The following DCUN1D3 variants were observed in gnomAD, a reference collection of about 807,000 sequenced individuals.
DCUN1D3 encodes defective in cullin neddylation 1 domain containing 3.
A neutral mutation model predicts 24.8 loss-of-function variants in DCUN1D3; 6 were observed. The observed-to-expected ratio is 0.24, with a 90% CI of 0.13 to 0.48. The LOEUF (loss-of-function observed/expected upper bound fraction) is 0.48. Among genes scored for constraint, DCUN1D3 ranks in the 20% least tolerant of loss-of-function variants. The pLI is 0.99. For missense variants in DCUN1D3, 258 were observed against 379.4 expected (o/e 0.68, Z 2.66); for synonymous variants, 120 against 144.9 (o/e 0.83, Z 1.24).
chr16:20,881,945 G>A (rs766278776), intron 1 of DCUN1D3, among the ~76,000 whole-genome samples: 4 of 152,060 alleles, frequency 2.6e-5, no homozygotes, highest in Non-Finnish European at 5.9e-5. Flanking sequence ...CAGGATTACA[G>A]GCGCATGGTA....
intron 1 of DCUN1D3, among the ~76,000 whole-genome samples, chr16:20,883,272 GGAGGCC>G (rs1226507451): frequency 6.6e-6 from 1 of 152,154 alleles, no homozygotes; most frequent in East Asian, 1.9e-4. Context: ...CAGCACTTTG[GGAGGCC>G]GAGGCGGACG....
At chr16:20,875,293 C>T (rs1430049967) in intron 1 of DCUN1D3, among the ~76,000 whole-genome samples, 1 of 151,620 alleles carries the variant, frequency 6.6e-6, no homozygotes, top group Non-Finnish European at 1.5e-5. Context: ...CATGAAATTA[C>T]ATGCAACTTT....
At chr16:20,885,563 CAT>C (rs1011477679) in intron 1 of DCUN1D3, among the ~76,000 whole-genome samples, 1 of 150,700 alleles carries the variant, frequency 6.6e-6, no homozygotes, top group African/African-American at 2.4e-5. Flanking sequence ...AAAAAAAAAA[CAT>C]AAACTACATC....
intron 1 of DCUN1D3, among the ~76,000 whole-genome samples, chr16:20,892,917 A>C (rs2081898626): frequency 6.6e-6 from 1 of 152,224 alleles, no homozygotes; most frequent in East Asian, 1.9e-4. Context: ...TACCATTAAT[A>C]ACCTCGCTTC....
chr16:20,867,112 C>T (rs1485275569), intron 1 of DCUN1D3, among the ~76,000 whole-genome samples: 7 of 152,212 alleles, frequency 4.6e-5, no homozygotes, highest in African/African-American at 7.2e-5. Flanking sequence ...CACATATACT[C>T]ATCACAGCCT....
At chr16:20,872,926 G>A (rs1040713555) in intron 1 of DCUN1D3, among the ~76,000 whole-genome samples, 6 of 152,146 alleles carry the variant, frequency 3.9e-5, no homozygotes, top group African/African-American at 1.4e-4. Context: ...GACCAGCCTG[G>A]CCAACATGGT....
rs1020320625 is a variant in DCUN1D3, at chr16:20,858,423, C to G, written c.*1463G>C. On this transcript the variant is annotated 3_prime_UTR_variant, in exon 3 of 3. Coordinates refer to ENST00000324344, the MANE Select transcript of DCUN1D3 (RefSeq NM_173475.4). ...TCCAAAAGCCTCCATTATGGCATTC[C>G]CTGGCACTCTTCTTATACTTTATAC... 2.6e-5 allele frequency: 4 copies of G among 152,484 alleles called. No individual in the cohort carries two copies. The highest frequency in any genetic ancestry group is 9.7e-5 in the African/African-American group (4 of 41,394). 9.4% of individuals were successfully genotyped at this position (152,484 alleles called of 1,614,324 possible). A position where few individuals can be genotyped will look rare whatever the true frequency, so the allele number is the denominator to read the frequency against.
chr16:20,895,619 C>G (rs936586006), intron 1 of DCUN1D3, among the ~76,000 whole-genome samples: 4 of 152,206 alleles, frequency 2.6e-5, no homozygotes, highest in East Asian at 3.8e-4. Context: ...ATGTTACGCT[C>G]TAGTTTGTAA....
intron 1 of DCUN1D3, among the ~76,000 whole-genome samples, chr16:20,870,093 C>T (rs533181533): frequency 6.6e-6 from 1 of 152,270 alleles, no homozygotes; most frequent in African/African-American, 2.4e-5. Context: ...CTCGAGCAAG[C>T]CACTTAACCT....
chr16:20,898,389 C>A (rs1328856288), intron 1 of DCUN1D3, among the ~76,000 whole-genome samples: 2 of 152,224 alleles, frequency 1.3e-5, no homozygotes, highest in Non-Finnish European at 2.9e-5. Flanking sequence ...CCGATGTAAG[C>A]TCCATGAAAG....
chr16:20,884,158 C>T (rs1251849557), intron 1 of DCUN1D3, among the ~76,000 whole-genome samples: 13 of 152,052 alleles, frequency 8.5e-5, no homozygotes, highest in African/African-American at 2.7e-4. Context: ...TGTGTGGTCT[C>T]GAATGCTCAT....
rs2081723943 is a variant in DCUN1D3, at chr16:20,860,100, C to A, written c.701G>T (p.Gly234Val). The A allele has an allele frequency of 6.2e-7, 1 of 1,614,110 alleles. No individual in the cohort carries two copies. The highest frequency in any genetic ancestry group is 8.5e-7 in the Non-Finnish European group (1 of 1,180,042). The part of the protein sequence containing the change: ...WLNFLTENPS[G>V]IKGISRDTWN... The stretch of plus-strand genomic sequence containing the variant: ...AGTGTCCCGGGAGATGCCCTTGATC[C>A]CCGAGGGGTTCTCTGTTAGGAAGTT... Residue 234 changes from glycine (G) to valine (V), a missense_variant, in exon 3 of 3, where the codon GGG becomes GTG. Physicochemically the swap from Gly to Val is moderately radical, Grantham distance 109. Coordinates refer to ENST00000324344, the MANE Select transcript of DCUN1D3 (RefSeq NM_173475.4). This position sits in a 1 kb window ranked among gnomAD's most constrained non-coding sequence, Gnocchi z 4.3.
intron 1 of DCUN1D3, among the ~76,000 whole-genome samples, chr16:20,873,809 A>G (rs1021640358): frequency 6.6e-6 from 1 of 152,204 alleles, no homozygotes; most frequent in Non-Finnish European, 1.5e-5. Flanking sequence ...ATGCTACCAG[A>G]AAGAGCTACC....
At chr16:20,873,698 C>T (rs2152517199) in intron 1 of DCUN1D3, among the ~76,000 whole-genome samples, 1 of 152,286 alleles carries the variant, frequency 6.6e-6, no homozygotes, top group African/African-American at 2.4e-5. Context: ...TCAGCCCCAC[C>T]AAGGCCTCAC....
At position 20,858,597 on chromosome 16, in the gene DCUN1D3, A is replaced by G. The variant is rs1874197982; in HGVS notation, c.*1289T>C. On this transcript the variant is annotated 3_prime_UTR_variant, in exon 3 of 3. Coordinates refer to ENST00000324344, the MANE Select transcript of DCUN1D3 (RefSeq NM_173475.4). ...TATATATACATATTTGGGGGTAGGG[A>G]AAGGAGAGGAGGGTCATGTAAACCT... The G allele has an allele frequency of 6.7e-6, 1 of 149,640 alleles. No homozygotes were observed. Among genetic ancestry groups the G allele is most frequent in the African/African-American group, 2.5e-5 (1 of 40,716 alleles). 9.3% of individuals were successfully genotyped at this position (149,640 alleles called of 1,614,324 possible).
Position 20,862,152 on chromosome 16 carries a change from G to A in DCUN1D3, c.387C>T (p.Leu129=), listed in dbSNP as rs761710534. Residue 129 remains leucine (L), a synonymous_variant, in exon 2 of 3, where the codon CTC becomes CTT. Transcript: ENST00000324344. The part of the protein sequence containing the change: ...CVDPTEFRVL[L]LAWKFQAATM... ...TTGCAGCCTGGAACTTCCAAGCCAA[G>A]AGCAGCACTCGAAATTCTGTGGGGT... 3 of 1,614,214 alleles carry A rather than the reference G, an allele frequency of 1.9e-6. No homozygotes were observed. The highest frequency in any genetic ancestry group is 2.2e-5 in the East Asian group (1 of 44,878).
chr16:20,868,721 A>T (rs557834818), intron 1 of DCUN1D3, among the ~76,000 whole-genome samples: 1 of 152,300 alleles, frequency 6.6e-6, no homozygotes, highest in East Asian at 1.9e-4. Flanking sequence ...TGCTCACAAT[A>T]AGTGACCATT....
chr16:20,868,266 T>C (rs1030648430), intron 1 of DCUN1D3, among the ~76,000 whole-genome samples: 1 of 152,230 alleles, frequency 6.6e-6, no homozygotes, highest in Non-Finnish European at 1.5e-5. Context: ...TATCATTTGG[T>C]ATTTGTTAAT....
chr16:20,857,473 G>C lies in DCUN1D3; in HGVS notation c.*2413C>G, dbSNP rs767048670. 6.6e-6 allele frequency: 1 copy of C among 152,278 alleles called. No individual in the cohort carries two copies. The highest frequency in any genetic ancestry group is 1.5e-5 in the Non-Finnish European group (1 of 68,094). 9.4% of individuals were successfully genotyped at this position (152,278 alleles called of 1,614,324 possible). On this transcript the variant is annotated 3_prime_UTR_variant, in exon 3 of 3. Transcript: ENST00000324344. The stretch of plus-strand genomic sequence containing the variant: ...CTGGGCTGCCTGCCTCTTTTGTGCA[G>C]CTTTCTCTGATACACTCTGATCTGG...
Sources: allele counts gnomAD v4.1 joint callset (sites outside exome capture counted in the v4.1 genomes callset), GRCh38; gene constraint gnomAD v4.1.1; non-coding constraint Gnocchi (gnomAD v3.1); transcripts MANE v1.5; gene names NCBI Gene and HGNC (gene_info 2026-07-23, HGNC 2026-07-21).